Variants in DLG2 observed in about 807,000 individuals in gnomAD.
The protein encoded by DLG2 is discs large MAGUK scaffold protein 2, also known as disks large homolog 2.
A neutral mutation model predicts 132.5 loss-of-function variants in DLG2; 45 were observed. That is an observed-to-expected ratio of 0.34 (90% CI 0.27 to 0.44). The LOEUF is 0.44. DLG2 is among the 20% of genes least tolerant of loss of function. The pLI is 1.00. For synonymous variants in DLG2, 424 were observed against 419.6 expected, an observed-to-expected ratio of 1.01 and a Z score of -0.13; for missense variants, 1,045 against 1,196.9, an observed-to-expected ratio of 0.87 and a Z score of 1.87.
intron 8 of DLG2, among the ~76,000 whole-genome samples, chr11:84,218,546 A>T (rs578115941): frequency 6.6e-6 from 1 of 152,310 alleles, no homozygotes; most frequent in African/African-American, 2.4e-5. Flanking sequence ...TGAGTGCCTG[A>T]AGCAAGGCTT....
intron 3 of DLG2, among the ~76,000 whole-genome samples, chr11:85,585,286 C>T (rs539270428): frequency 1.4e-4 from 22 of 152,246 alleles, no homozygotes; most frequent in South Asian, 6.2e-4. Context: ...TGTTGTTGTT[C>T]GCTTTGTCAA....
At chr11:83,547,394 TC>T (rs899320353) in intron 19 of DLG2, among the ~76,000 whole-genome samples, 2 of 152,092 alleles carry the variant, frequency 1.3e-5, no homozygotes, top group African/African-American at 4.8e-5. Flanking sequence ...GGGGAGATTA[TC>T]CTGGATTATC....
intron 17 of DLG2, among the ~76,000 whole-genome samples, chr11:83,823,428 G>A (rs1356887329): frequency 6.6e-6 from 1 of 152,112 alleles, no homozygotes; most frequent in Non-Finnish European, 1.5e-5. Flanking sequence ...TAATAGAATA[G>A]TTAATTAACA....
chr11:85,593,374 C>T (rs1445998657), intron 3 of DLG2, among the ~76,000 whole-genome samples: 2 of 152,218 alleles, frequency 1.3e-5, no homozygotes, highest in African/African-American at 2.4e-5. Flanking sequence ...TAGTAAAGTA[C>T]CATTTGCTGA....
intron 6 of DLG2, among the ~76,000 whole-genome samples, chr11:84,859,368 A>G (rs980112839): frequency 2.0e-5 from 3 of 146,708 alleles, no homozygotes; most frequent in Non-Finnish European, 3.0e-5. Context: ...ATATATGTAT[A>G]TATACACATA....
chr11:85,315,294 A>C (rs1375983459), intron 3 of DLG2, among the ~76,000 whole-genome samples: 1 of 151,962 alleles, frequency 6.6e-6, no homozygotes, highest in Admixed American at 6.6e-5. Context: ...TCTTAGCATG[A>C]GCCAACTTTA....
At chr11:83,626,777 T>G (rs2062608597) in intron 19 of DLG2, among the ~76,000 whole-genome samples, 1 of 152,154 alleles carries the variant, frequency 6.6e-6, no homozygotes, top group African/African-American at 2.4e-5. Context: ...CAGTGAGTCT[T>G]TCTATCATGT....
At chr11:83,934,241 T>C (rs1362007518) in intron 14 of DLG2, among the ~76,000 whole-genome samples, 1 of 152,134 alleles carries the variant, frequency 6.6e-6, no homozygotes, top group Non-Finnish European at 1.5e-5. Context: ...TCACATCTCT[T>C]TCATATCACC....
chr11:84,090,063 G>A (rs1188648684), intron 10 of DLG2, among the ~76,000 whole-genome samples: 1 of 152,132 alleles, frequency 6.6e-6, no homozygotes, highest in East Asian at 1.9e-4. Context: ...TATCATGGAT[G>A]TATATCTATT....
chr11:84,083,857 C>T (rs2096937167), intron 10 of DLG2, among the ~76,000 whole-genome samples: 1 of 152,026 alleles, frequency 6.6e-6, no homozygotes, highest in Non-Finnish European at 1.5e-5. Context: ...TATATAGTAA[C>T]AGAAAGAGAA....
At chr11:85,477,905 G>A (rs939794141) in intron 3 of DLG2, among the ~76,000 whole-genome samples, 2 of 152,044 alleles carry the variant, frequency 1.3e-5, no homozygotes, top group African/African-American at 4.8e-5. Context: ...TTCATTTGCT[G>A]TCCACAAGGT....
In DLG2 at chr11:84,631,018, T is replaced by TCACACA. The variant is rs372331224; in HGVS notation, c.358-96293_358-96288dup. ...CTCTCTCTCTCTCTCTCTCTCTCTCTCACACACACACACACACACACACAC... is the reference window on the plus strand; with the variant it reads ...CTCTCTCTCTCTCTCTCTCTCTCTCTCACACACACACACACACACACACACACACAC... On this transcript the variant is annotated intron_variant, in intron 6 of 27. Transcript: ENST00000376104. Among the ~76,000 whole-genome samples the TCACACA allele has an allele frequency of 5.3e-5, 5 of 94,262 alleles. 1 individual carries two copies. The highest frequency in any genetic ancestry group is 1.4e-4 in the African/African-American group (3 of 21,874). The allele number at this position is 94,262 out of a possible 152,430, so 61.8% of individuals were successfully genotyped here.
At chr11:84,931,404 G>C (rs548737826) in intron 6 of DLG2, among the ~76,000 whole-genome samples, 36 of 152,248 alleles carry the variant, frequency 2.4e-4, no homozygotes, top group African/African-American at 7.9e-4. Context: ...ACTTGTAAGT[G>C]AGAGCATGCA....
At chr11:84,849,037 T>C (rs1312293701) in intron 6 of DLG2, among the ~76,000 whole-genome samples, 3 of 152,184 alleles carry the variant, frequency 2.0e-5, no homozygotes, top group Non-Finnish European at 4.4e-5. Flanking sequence ...CCATTTAAGA[T>C]GCCTAGTTAC....
chr11:83,804,000 C>T (rs1367730329), intron 17 of DLG2, among the ~76,000 whole-genome samples: 1 of 152,088 alleles, frequency 6.6e-6, no homozygotes, highest in African/African-American at 2.4e-5. Context: ...TGTATCTTGG[C>T]ATCTGGCTGT....
At chr11:85,500,280 C>A (rs1210044963) in intron 3 of DLG2, among the ~76,000 whole-genome samples, 2 of 141,476 alleles carry the variant, frequency 1.4e-5, no homozygotes, top group Admixed American at 1.4e-4. Flanking sequence ...TCTCAGTAAA[C>A]TATCGCAAGA....
intron 3 of DLG2, among the ~76,000 whole-genome samples, chr11:85,454,550 T>C (rs776674687): frequency 6.6e-6 from 1 of 152,216 alleles, no homozygotes; most frequent in African/African-American, 2.4e-5. Context: ...ATCCAATTTA[T>C]CAATTATTAT....
At chr11:85,440,519 G>A (rs868805131) in intron 3 of DLG2, among the ~76,000 whole-genome samples, 6 of 152,100 alleles carry the variant, frequency 3.9e-5, no homozygotes, top group Admixed American at 6.6e-5. Flanking sequence ...AACTTGCTGC[G>A]TGAAGTTTAG....
At chr11:84,458,483 T>C (rs1031681487) in intron 7 of DLG2, among the ~76,000 whole-genome samples, 5 of 150,834 alleles carry the variant, frequency 3.3e-5, no homozygotes, top group Admixed American at 2.0e-4. Context: ...TCAGTACCCA[T>C]TGGTATTTTA....
Sources: gnomAD v4.1 joint callset for allele counts (sites outside exome capture counted in the v4.1 genomes callset) on GRCh38, gnomAD v4.1.1 for gene constraint, MANE v1.5 for transcripts, NCBI Gene and HGNC (gene_info 2026-07-23, HGNC 2026-07-21) for gene names.